TTC27: variants seen among roughly 807,000 people sequenced by gnomAD.
TTC27 encodes tetratricopeptide repeat domain 27, also known as tetratricopeptide repeat protein 27.
TTC27 carries 79 observed loss-of-function variants against 115.9 expected under a neutral mutation model. That is an observed-to-expected ratio of 0.68 (90% CI 0.57 to 0.82). TTC27 has a LOEUF of 0.82. TTC27 is among the 40% of genes least tolerant of loss of function. The pLI is 0.00. For missense variants in TTC27, 1,054 were observed against 993.1 expected (o/e 1.06, Z -0.82); for synonymous variants, 401 against 356.0 (o/e 1.13, Z -1.42).
intron 9 of TTC27, among the ~76,000 whole-genome samples, chr2:32,700,730 G>T (rs1018345319): frequency 3.3e-5 from 5 of 152,020 alleles, no homozygotes; most frequent in African/African-American, 1.2e-4. Flanking sequence ...ATTAAAGACT[G>T]GGTTTCATCA....
chr2:32,676,383 A>G (rs996347593), intron 8 of TTC27, among the ~76,000 whole-genome samples: 2 of 151,714 alleles, frequency 1.3e-5, no homozygotes, highest in African/African-American at 4.8e-5. Context: ...AAATCGGTTC[A>G]TTTAAAAATT....
intron 15 of TTC27, among the ~76,000 whole-genome samples, chr2:32,785,784 C>T (rs760049948): frequency 3.5e-4 from 53 of 152,030 alleles, no homozygotes; most frequent in Non-Finnish European, 2.5e-4. Context: ...TTAGTAGAGA[C>T]AGGGTTTCAT....
At chr2:32,637,822 A>G (rs1268354425) in intron 3 of TTC27, among the ~76,000 whole-genome samples, 1 of 152,176 alleles carries the variant, frequency 6.6e-6, no homozygotes, top group Non-Finnish European at 1.5e-5. Context: ...TACATTCAGT[A>G]CCTCCAGTTG....
At chr2:32,751,629 A>C (rs1187695742) in intron 12 of TTC27, among the ~76,000 whole-genome samples, 3 of 152,190 alleles carry the variant, frequency 2.0e-5, no homozygotes, top group African/African-American at 7.2e-5. Context: ...TTTGAGTCCC[A>C]AAGGGTTAAC....
chr2:32,685,949 T>TC (rs1666614249), intron 9 of TTC27, among the ~76,000 whole-genome samples: 1 of 152,190 alleles, frequency 6.6e-6, no homozygotes, highest in Non-Finnish European at 1.5e-5. Context: ...CATGTTTATG[T>TC]CATAGAAAAA....
intron 12 of TTC27, among the ~76,000 whole-genome samples, chr2:32,746,674 A>C (rs1295855392): frequency 6.6e-6 from 1 of 151,870 alleles, no homozygotes; most frequent in Non-Finnish European, 1.5e-5. Flanking sequence ...ATGGCCATTC[A>C]CATTTTGATA....
At chr2:32,631,230 G>A (rs1201246675) in intron 2 of TTC27, among the ~76,000 whole-genome samples, 1 of 152,170 alleles carries the variant, frequency 6.6e-6, no homozygotes, top group African/African-American at 2.4e-5. Context: ...TTGAACCTGG[G>A]AGGTGGAGGT....
chr2:32,756,901 T>C (rs566460773), intron 12 of TTC27, among the ~76,000 whole-genome samples: 1 of 152,130 alleles, frequency 6.6e-6, no homozygotes, highest in Non-Finnish European at 1.5e-5. Flanking sequence ...GACATGGTGG[T>C]GGGAGGAAGT....
intron 5 of TTC27, among the ~76,000 whole-genome samples, chr2:32,660,371 G>A (rs2151876321): frequency 6.6e-6 from 1 of 152,218 alleles, no homozygotes; most frequent in South Asian, 2.1e-4. Flanking sequence ...TGATAGACTG[G>A]ATAAAGAAAA....
intron 12 of TTC27, among the ~76,000 whole-genome samples, chr2:32,756,177 A>T (rs1035643232): frequency 6.6e-6 from 1 of 152,236 alleles, no homozygotes; most frequent in African/African-American, 2.4e-5. Context: ...AACTGGCTAA[A>T]GCAGAAAGGA....
intron 4 of TTC27, among the ~76,000 whole-genome samples, chr2:32,643,104 G>A (rs1265122449): frequency 8.6e-5 from 13 of 152,044 alleles, no homozygotes; most frequent in Admixed American, 5.9e-4. Flanking sequence ...CAAGTAGCTG[G>A]GACTACAGGT....
At chr2:32,731,449 A>C (rs1018192291) in intron 10 of TTC27, among the ~76,000 whole-genome samples, 1 of 152,012 alleles carries the variant, frequency 6.6e-6, no homozygotes, top group Admixed American at 6.5e-5. Context: ...AACCTAGCTC[A>C]CTGCAGCCTT....
chr2:32,670,356 C>T (rs973354950), intron 7 of TTC27, among the ~76,000 whole-genome samples: 57 of 152,184 alleles, frequency 3.7e-4, no homozygotes, highest in Admixed American at 3.6e-3. Context: ...AAAAAAGTTT[C>T]TCCAAAGAGT....
At chr2:32,798,731 T>C (rs1322535222) in intron 16 of TTC27, among the ~76,000 whole-genome samples, 1 of 147,750 alleles carries the variant, frequency 6.8e-6, no homozygotes, top group African/African-American at 2.5e-5. Flanking sequence ...ATAATAATAA[T>C]AATAATAAGT....
intron 10 of TTC27, among the ~76,000 whole-genome samples, chr2:32,727,240 A>G (rs1183511956): frequency 6.6e-6 from 1 of 152,208 alleles, no homozygotes; most frequent in Non-Finnish European, 1.5e-5. Flanking sequence ...GATTGTGGTG[A>G]TATTAATGCA....
At chr2:32,681,575 A>G (rs568182599) in intron 9 of TTC27, among the ~76,000 whole-genome samples, 7 of 152,040 alleles carry the variant, frequency 4.6e-5, no homozygotes, top group African/African-American at 1.4e-4. Context: ...TAGAAACCAT[A>G]CTTTGAATAC....
At chr2:32,725,252 T>C (rs1309588993) in intron 10 of TTC27, among the ~76,000 whole-genome samples, 1 of 152,170 alleles carries the variant, frequency 6.6e-6, no homozygotes, top group Non-Finnish European at 1.5e-5. Context: ...TCTTAACTCA[T>C]TTCAGCATTA....
intron 10 of TTC27, among the ~76,000 whole-genome samples, chr2:32,720,699 C>T (rs976071025): frequency 6.6e-6 from 1 of 152,044 alleles, no homozygotes; most frequent in Non-Finnish European, 1.5e-5. Flanking sequence ...CTATGTGCTC[C>T]TAAGAAGTAA....
intron 12 of TTC27, among the ~76,000 whole-genome samples, chr2:32,752,570 A>G (rs1669055874): frequency 2.6e-5 from 4 of 152,296 alleles, no homozygotes; most frequent in African/African-American, 7.2e-5. Flanking sequence ...CTGGTCTAGC[A>G]TGGTTAGAAT....
Sources: allele counts gnomAD v4.1 joint callset (sites outside exome capture counted in the v4.1 genomes callset), GRCh38; gene constraint gnomAD v4.1.1; transcripts MANE v1.5; gene names NCBI Gene and HGNC (gene_info 2026-07-23, HGNC 2026-07-21).